The following CSNK2A2IP variants were observed in gnomAD, a reference collection of about 807,000 sequenced individuals.
The protein encoded by CSNK2A2IP is casein kinase II subunit alpha'-interacting protein.
the CSNK2A2IP span, among the ~76,000 whole-genome samples, chr3:88,386,500 A>G: frequency 6.6e-6 from 1 of 152,222 alleles, no homozygotes; most frequent in Non-Finnish European, 1.5e-5. Context: ...AGGTTTGGTC[A>G]GGAAAGTATG....
the CSNK2A2IP span, among the ~76,000 whole-genome samples, chr3:88,420,354 G>A: frequency 6.6e-6 from 1 of 152,140 alleles, no homozygotes; most frequent in Non-Finnish European, 1.5e-5. Context: ...GTACTTGCCA[G>A]TAAGACTGAA....
the CSNK2A2IP span, among the ~76,000 whole-genome samples, chr3:88,398,272 A>G: frequency 6.6e-6 from 1 of 152,272 alleles, no homozygotes; most frequent in East Asian, 1.9e-4. Context: ...GATTTCTAGC[A>G]GTGATTTTAA....
chr3:88,340,218 G>A, the CSNK2A2IP span, among the ~76,000 whole-genome samples: 66,463 of 151,482 alleles, frequency 0.44, 15,813 homozygotes, highest in South Asian at 0.62. Context: ...AGTCTTACAG[G>A]GTCTTAATTG....
At chr3:88,388,293 T>A in the CSNK2A2IP span, among the ~76,000 whole-genome samples, 1 of 152,230 alleles carries the variant, frequency 6.6e-6, no homozygotes, top group African/African-American at 2.4e-5. Context: ...TAAAAATATA[T>A]AACTCTTCTA....
chr3:88,368,519 TA>T, the CSNK2A2IP span, among the ~76,000 whole-genome samples: 1 of 151,870 alleles, frequency 6.6e-6, no homozygotes, highest in Non-Finnish European at 1.5e-5. Flanking sequence ...TAATTGAAAA[TA>T]TCTTAAATCA....
At chr3:88,442,404 A>G in the CSNK2A2IP span, among the ~76,000 whole-genome samples, 1 of 152,034 alleles carries the variant, frequency 6.6e-6, no homozygotes, top group Admixed American at 6.6e-5. Flanking sequence ...TTACATAACT[A>G]AGGGATGCCA....
chr3:88,415,623 G>A, the CSNK2A2IP span, among the ~76,000 whole-genome samples: 1 of 151,964 alleles, frequency 6.6e-6, no homozygotes, highest in Admixed American at 6.6e-5. Context: ...AGAGAGAGAA[G>A]CCCCTATCTG....
chr3:88,406,146 C>A, the CSNK2A2IP span, among the ~76,000 whole-genome samples: 1 of 151,854 alleles, frequency 6.6e-6, no homozygotes, highest in Non-Finnish European at 1.5e-5. Context: ...GAAAATAAAC[C>A]TGAATGATTT....
the CSNK2A2IP span, among the ~76,000 whole-genome samples, chr3:88,449,870 T>TAGAGAG: frequency 1.1e-3 from 93 of 81,784 alleles, no homozygotes; most frequent in South Asian, 0.017. Context: ...TATATATATA[T>TAGAGAG]ATATAGAGAG....
At chr3:88,443,381 G>A in the CSNK2A2IP span, among the ~76,000 whole-genome samples, 1 of 152,150 alleles carries the variant, frequency 6.6e-6, no homozygotes, top group African/African-American at 2.4e-5. Context: ...GAAAGGTTTA[G>A]GAGTAGGAAT....
the CSNK2A2IP span, among the ~76,000 whole-genome samples, chr3:88,420,602 G>A: frequency 5.3e-5 from 8 of 151,826 alleles, no homozygotes; most frequent in African/African-American, 9.7e-5. Flanking sequence ...ATGTTTAATC[G>A]GCAGTAGATT....
chr3:88,445,299 A>AAAAAAAAAAAAAAAAAAAAC, the CSNK2A2IP span, among the ~76,000 whole-genome samples: 1 of 149,158 alleles, frequency 6.7e-6, no homozygotes, highest in Admixed American at 6.8e-5. Context: ...AAAAAAAAAA[A>AAAAAAAAAAAAAAAAAAAAC]ATTAGCCAGG....
At chr3:88,406,135 A>G in the CSNK2A2IP span, among the ~76,000 whole-genome samples, 1 of 152,152 alleles carries the variant, frequency 6.6e-6, no homozygotes, top group Non-Finnish European at 1.5e-5. Flanking sequence ...TTCAAATAGA[A>G]GAAAATAAAC....
chr3:88,446,696 G>C, the CSNK2A2IP span, among the ~76,000 whole-genome samples: 1 of 152,118 alleles, frequency 6.6e-6, no homozygotes, highest in Admixed American at 6.6e-5. Context: ...GAGAGAGAAG[G>C]TCACGCCACT....
the CSNK2A2IP span, among the ~76,000 whole-genome samples, chr3:88,450,908 A>G: frequency 6.6e-6 from 1 of 152,006 alleles, no homozygotes; most frequent in Non-Finnish European, 1.5e-5. Flanking sequence ...TCTATTTTTA[A>G]TTTCTTTAGA....
the CSNK2A2IP span, among the ~76,000 whole-genome samples, chr3:88,346,869 A>G: frequency 1.3e-5 from 2 of 151,932 alleles, no homozygotes; most frequent in Non-Finnish European, 2.9e-5. Flanking sequence ...TATAGCTGCC[A>G]TAGATAGTGA....
At chr3:88,351,063 A>T in the CSNK2A2IP span, among the ~76,000 whole-genome samples, 1 of 152,190 alleles carries the variant, frequency 6.6e-6, no homozygotes, top group Admixed American at 6.6e-5. Flanking sequence ...GAGCACCTTT[A>T]ACACTGATGA....
chr3:88,459,313 A>G, the CSNK2A2IP span, among the ~76,000 whole-genome samples: 12 of 152,138 alleles, frequency 7.9e-5, no homozygotes, highest in Non-Finnish European at 1.8e-4. Flanking sequence ...AGATAATTAT[A>G]TATGAAGTAT....
chr3:88,423,647 G>A, the CSNK2A2IP span, among the ~76,000 whole-genome samples: 5 of 152,124 alleles, frequency 3.3e-5, no homozygotes, highest in Admixed American at 6.6e-5. Flanking sequence ...AGCAGAACAC[G>A]AGTCTGATCC....
Sources: allele counts gnomAD v4.1 joint callset (sites outside exome capture counted in the v4.1 genomes callset), GRCh38; gene constraint gnomAD v4.1.1; transcripts MANE v1.5; gene names NCBI Gene and HGNC (gene_info 2026-07-23, HGNC 2026-07-21).